The following TTC6 variants were observed in gnomAD, a reference collection of about 807,000 sequenced individuals.
The protein encoded by TTC6 is tetratricopeptide repeat domain 6.
TTC6 carries 172 observed loss-of-function variants against 210.4 expected under a neutral mutation model. The ratio of observed to expected loss-of-function variants is 0.82; its 90% CI spans 0.72 to 0.93. The LOEUF is 0.93. Among genes scored for constraint, TTC6 ranks in the 40% least tolerant of loss-of-function variants. The pLI, the probability that TTC6 is intolerant of heterozygous loss-of-function variation, is 0.00. For synonymous variants in TTC6, 804 were observed against 819.6 expected, an observed-to-expected ratio of 0.98 and a Z score of 0.32; for missense variants, 2,414 against 2,318.1, an observed-to-expected ratio of 1.04 and a Z score of -0.85.
At chr14:37,775,639 T>C (rs2096034898) in intron 14 of TTC6, among the ~76,000 whole-genome samples, 1 of 152,190 alleles carries the variant, frequency 6.6e-6, no homozygotes, top group African/African-American at 2.4e-5. Context: ...TAAGTCTATT[T>C]GGTCAAATGT....
chr14:37,783,996 C>T (rs1391541149), intron 14 of TTC6, among the ~76,000 whole-genome samples: 5 of 152,118 alleles, frequency 3.3e-5, no homozygotes, highest in East Asian at 1.9e-4. Flanking sequence ...GTCTGAGAGA[C>T]AGTTTGTTAT....
At chr14:37,737,758 CT>C (rs1221193245) in intron 9 of TTC6, 24 bp downstream of exon 11, 1 of 1,333,142 alleles carries the variant, frequency 7.5e-7, no homozygotes, top group African/African-American at 1.5e-5. Flanking sequence ...ACAGTTTTTA[CT>C]CTCTAAAAGA....
intron 1 of TTC6, among the ~76,000 whole-genome samples, chr14:37,667,149 G>T (rs914612749): frequency 2.7e-5 from 4 of 149,748 alleles, no homozygotes; most frequent in African/African-American, 9.7e-5. Flanking sequence ...AATATCACGG[G>T]CCCTAGGCAC....
intron 7 of TTC6, among the ~76,000 whole-genome samples, chr14:37,733,538 C>T (rs1188635939): frequency 6.6e-6 from 1 of 152,000 alleles, no homozygotes; most frequent in African/African-American, 2.4e-5. Flanking sequence ...TAATGATGTT[C>T]CATTATTTTC....
intron 1 of TTC6, among the ~76,000 whole-genome samples, chr14:37,605,379 G>T (rs1384710604): frequency 6.6e-6 from 1 of 152,082 alleles, no homozygotes; most frequent in Non-Finnish European, 1.5e-5. Context: ...ATCAGGATCC[G>T]GGTGGATAAA....
exon 6 of TTC6, chr14:37,714,756 A>G (rs1419587907): frequency 6.5e-7 from 1 of 1,535,366 alleles, no homozygotes; most frequent in Non-Finnish European, 8.7e-7. Context: ...GGAACTAGAG[A>G]GCGTGCTCAC....
chr14:37,732,548 G>A (rs530561799), intron 7 of TTC6, among the ~76,000 whole-genome samples: 8 of 151,916 alleles, frequency 5.3e-5, no homozygotes, highest in African/African-American at 1.4e-4. Context: ...AAGATTATAA[G>A]GAAGAGAAAA....
chr14:37,697,981 A>G (rs968577656), intron 4 of TTC6, among the ~76,000 whole-genome samples: 11 of 152,164 alleles, frequency 7.2e-5, no homozygotes, highest in African/African-American at 2.7e-4. Flanking sequence ...AGAGTGTGCT[A>G]TAAAAACACA....
intron 7 of TTC6, among the ~76,000 whole-genome samples, chr14:37,732,127 A>C (rs756602655): frequency 2.7e-4 from 41 of 151,814 alleles, no homozygotes; most frequent in Admixed American, 1.1e-3. Flanking sequence ...ACTGATAAAC[A>C]GTCAATTAAC....
In TTC6 at chr14:37,771,696, T is replaced by C. The variant is rs2096019482; in HGVS notation, c.3267-15772T>C. On this transcript the variant is annotated intron_variant, in intron 14 of 30. Transcript: ENST00000553443. Reference sequence around the variant, plus strand: ...TTCTCTGTATTGGTTATTCTAGTTATACATTCTTCCAAATTTTTTTCAAAG... The same window carrying C: ...TTCTCTGTATTGGTTATTCTAGTTACACATTCTTCCAAATTTTTTTCAAAG... 2.0e-5 allele frequency among the ~76,000 whole-genome samples: 3 copies of C among 152,286 alleles called. No individual in the cohort carries two copies. The South Asian group carries it at 6.2e-4, about 32-fold the overall frequency.
intron 14 of TTC6, among the ~76,000 whole-genome samples, chr14:37,784,909 G>T (rs1201851060): frequency 6.6e-6 from 1 of 152,142 alleles, no homozygotes; most frequent in Non-Finnish European, 1.5e-5. Flanking sequence ...ATGAAATTCT[G>T]GGTTGAAAAT....
chr14:37,598,122 T>C lies in TTC6; in HGVS notation c.-235+2114T>C, dbSNP rs535928227. Among the ~76,000 whole-genome samples, 4 of 152,224 alleles carry C rather than the reference T, an allele frequency of 2.6e-5. No homozygotes were observed. Among genetic ancestry groups the C allele is most frequent in the Non-Finnish European group, 5.9e-5 (4 of 68,040 alleles). ...CAGGTCCAGCGGCTGCAGCCTGCTC[T>C]TTTCCAACCTCTTTTCCCAAATAGG... On this transcript the variant is annotated intron_variant, in intron 1 of 2. Transcript: ENST00000556845. The surrounding 1 kb of genome is among the most constrained non-coding windows in gnomAD (Gnocchi z 4.9).
Position 37,596,449 on chromosome 14 carries a change from T to A in TTC6, c.-235+441T>A, listed in dbSNP as rs368960818. On this transcript the variant is annotated intron_variant, in intron 1 of 2. Transcript: ENST00000556845. ...AGGGGCTCGCTTGGTTCCTAATCGG[T>A]CCTGGACGTCGGTGGGAGAGTCTTC... Among the ~76,000 whole-genome samples, 409 of 152,344 alleles carry A rather than the reference T, an allele frequency of 2.7e-3. 2 individuals carry two copies. The highest frequency in any genetic ancestry group is 9.5e-3 in the African/African-American group (394 of 41,592).
chr14:37,737,593 T>A, intron 8 of TTC6, 67 bp from the exon 11 acceptor site: 1 of 859,578 alleles, frequency 1.2e-6, no homozygotes, highest in Non-Finnish European at 1.8e-6. Flanking sequence ...TAGCCAAGTA[T>A]TATATATTTT....
intron 20 of TTC6, among the ~76,000 whole-genome samples, chr14:37,801,542 C>A (rs1339173145): frequency 6.6e-6 from 1 of 152,098 alleles, no homozygotes; most frequent in African/African-American, 2.4e-5. Flanking sequence ...GTCGCTCCCT[C>A]AATTATGTTG....
chr14:37,702,874 G>A (rs1290696642), intron 5 of TTC6, among the ~76,000 whole-genome samples: 1 of 151,956 alleles, frequency 6.6e-6, no homozygotes, highest in African/African-American at 2.4e-5. Flanking sequence ...CCTAAAAGAA[G>A]GTCATTTTTA....
chr14:37,635,997 A>T (rs1015646551), intron 1 of TTC6, among the ~76,000 whole-genome samples: 3 of 150,568 alleles, frequency 2.0e-5, no homozygotes, highest in Non-Finnish European at 4.4e-5. Context: ...AAAAAAAAAA[A>T]AAAGAAAAAA....
At chr14:37,765,081 A>G (rs932962551) in intron 14 of TTC6, among the ~76,000 whole-genome samples, 17 of 151,972 alleles carry the variant, frequency 1.1e-4, no homozygotes, top group Non-Finnish European at 1.6e-4. Context: ...CTTAGTTTCA[A>G]TAGTCTATAA....
intron 21 of TTC6, 104 bp downstream of exon 23, chr14:37,804,918 C>A: frequency 1.6e-6 from 2 of 1,271,752 alleles, no homozygotes; most frequent in Non-Finnish European, 2.2e-6. Flanking sequence ...GCAACCGGTC[C>A]AAAGCTGCTT....
Sources: gnomAD v4.1 joint callset for allele counts (sites outside exome capture counted in the v4.1 genomes callset) on GRCh38, gnomAD v4.1.1 for gene constraint, Gnocchi (gnomAD v3.1) non-coding constraint, MANE v1.5 for transcripts, NCBI Gene and HGNC (gene_info 2026-07-23, HGNC 2026-07-21) for gene names.